Variants in TRADD observed in about 807,000 individuals in gnomAD.
TRADD encodes tumor necrosis factor receptor type 1-associated DEATH domain protein.
Under a neutral mutation model 31.5 loss-of-function variants are expected in TRADD, and 14 were observed. The ratio of observed to expected loss-of-function variants is 0.44; its 90% CI spans 0.29 to 0.69. The LOEUF is 0.69. Among genes scored for constraint, TRADD ranks in the 30% least tolerant of loss-of-function variants. The pLI, the probability that TRADD is intolerant of heterozygous loss-of-function variation, is 0.11. For synonymous variants in TRADD, 220 were observed against 215.8 expected (o/e 1.02, Z -0.17); for missense variants, 388 against 435.7 (o/e 0.89, Z 0.97).
rs757139806 is a variant in TRADD at position 67,154,982 on chromosome 16, G to A, written c.629-23C>T. On this transcript the variant is annotated intron_variant, in intron 4 of 4. Coordinates refer to ENST00000345057, the MANE Select transcript of TRADD (RefSeq NM_003789.4). This position sits in a 1 kb window ranked among gnomAD's most constrained non-coding sequence, Gnocchi z 5.2. ...TCACTGCAGAGGGAGTGGGGAAACG[G>A]GGTGAGGGCGGGGACCCCCAGCGCC... is the stretch of plus-strand genomic sequence containing the variant. 1 of 1,601,452 alleles carries A rather than the reference G, an allele frequency of 6.2e-7. No homozygotes were observed. Among genetic ancestry groups the A allele is most frequent in the Non-Finnish European group, 8.5e-7 (1 of 1,174,988 alleles).
In TRADD at chr16:67,154,480, A is replaced by AC; in HGVS notation, c.*168dup. ...CCTGAGGCAGAATCCCCAATGATGC[A>AC]CCCCCAGTGGTCTGGCTCCTGGGGA... On this transcript the variant is annotated 3_prime_UTR_variant, in exon 5 of 5. Coordinates refer to ENST00000345057, the MANE Select transcript of TRADD (RefSeq NM_003789.4). This position sits in a 1 kb window ranked among gnomAD's most constrained non-coding sequence, Gnocchi z 5.2. 2 of 775,624 alleles carry AC rather than the reference A, an allele frequency of 2.6e-6. No homozygotes were observed. The highest frequency in any genetic ancestry group is 4.2e-6 in the Non-Finnish European group (2 of 480,256). The allele number at this position is 775,624 out of a possible 1,614,324, so 48.0% of individuals were successfully genotyped here. A position where few individuals can be genotyped will look rare whatever the true frequency, so the allele number is the denominator to read the frequency against.
chr16:67,155,863 C>A (rs901205015), intron 2 of TRADD: 2 of 1,515,924 alleles, frequency 1.3e-6, no homozygotes. Context: ...CAGGGAGCAC[C>A]CTAAGACAGA....
In TRADD at chr16:67,155,280, C is replaced by A. The variant is rs765357026; in HGVS notation, c.444G>T (p.Arg148=). 6.2e-7 allele frequency: 1 copy of A among 1,610,444 alleles called. No homozygotes were observed. The highest frequency in any genetic ancestry group is 1.7e-4 in the Middle Eastern group (1 of 6,056). Residue 148 remains arginine (R), a synonymous_variant, in exon 4 of 5, where the codon CGG becomes CGT. Coordinates refer to ENST00000345057, the MANE Select transcript of TRADD (RefSeq NM_003789.4). ...CILAQQPDRL[R]DEELAELEDA... ...CCTCCAGCTCAGCCAGTTCTTCATC[C>A]CGGAGCCGGTCGGGCTAGGGGAATG...
chr16:67,154,805 C>G lies in TRADD; in HGVS notation c.783G>C (p.Leu261=). 1 of 1,595,096 alleles carries G rather than the reference C, an allele frequency of 6.3e-7. No individual in the cohort carries two copies. Among genetic ancestry groups the G allele is most frequent in the Non-Finnish European group, 8.5e-7 (1 of 1,171,890 alleles). Residue 261 remains leucine, a synonymous_variant, in exon 5 of 5, where the codon CTG becomes CTC. Coordinates refer to ENST00000345057, the MANE Select transcript of TRADD (RefSeq NM_003789.4). The surrounding 1 kb of genome is among the most constrained non-coding windows in gnomAD (Gnocchi z 5.2). ...GCAGCAGCTGGAAGGCCTGCTCGTACAGTCCCTCGCGCTCGTACTCGTAGG... is the reference window on the plus strand; with the variant it reads ...GCAGCAGCTGGAAGGCCTGCTCGTAGAGTCCCTCGCGCTCGTACTCGTAGG... ...SLAYEYEREG[L]YEQAFQLLRR...
intron 1 of TRADD, among the ~76,000 whole-genome samples, chr16:67,158,005 T>C (rs1290173066): frequency 1.3e-5 from 2 of 152,050 alleles, no homozygotes; most frequent in Non-Finnish European, 2.9e-5. Context: ...GGTTTATATA[T>C]GGTGGGCTAA....
Position 67,155,201 on chromosome 16 carries a change from C to T in TRADD, c.523G>A (p.Val175Ile), listed in dbSNP as rs1036344090. The T allele has an allele frequency of 6.3e-7, 1 of 1,586,532 alleles. No homozygotes were observed. ...GGGGGCTGCAAGGGGGCCGAAGCGA[C>T]CTCCCCGTCGCCACCCCGGGCCCCC... ...GSGARGGDGE[V>I]ASAPLQPPVP... The change falls in exon 4 of 5, where the codon GTC becomes ATC. Residue 175 changes from valine to isoleucine, a missense_variant. Physicochemically the swap from Val to Ile is conservative, Grantham distance 29. Transcript: ENST00000345057.
intron 1 of TRADD, among the ~76,000 whole-genome samples, chr16:67,158,198 C>T (rs1355969737): frequency 2.0e-5 from 3 of 152,214 alleles, no homozygotes; most frequent in East Asian, 1.9e-4. Context: ...CAGGGTCTTG[C>T]TCTGTCACCC....
At chr16:67,155,895 C>T in intron 2 of TRADD, 1 of 1,522,340 alleles carries the variant, frequency 6.6e-7, no homozygotes, top group South Asian at 1.2e-5. Context: ...CTAACCCCCG[C>T]TCTCACGCCC....
intron 1 of TRADD, among the ~76,000 whole-genome samples, chr16:67,157,006 G>C (rs1428509053): frequency 2.0e-5 from 3 of 152,220 alleles, no homozygotes; most frequent in Non-Finnish European, 4.4e-5. Flanking sequence ...TCTCAGGCCT[G>C]TGTGTCTCTC....
In TRADD at chr16:67,156,269, G is replaced by A. The variant is rs2030693876; in HGVS notation, c.151+241C>T. ...AGAAAGGAGTGAGCCGGCTGGTGGA[G>A]GGGGGCGGGGATGGAGCAAAGGACG... On this transcript the variant is annotated intron_variant, in intron 2 of 4. Transcript: ENST00000345057. The surrounding 1 kb of genome is among the most constrained non-coding windows in gnomAD (Gnocchi z 4.6). 1 of 1,263,090 alleles carries A rather than the reference G, an allele frequency of 7.9e-7. No individual in the cohort carries two copies. The highest frequency in any genetic ancestry group is 1.1e-6 in the Non-Finnish European group (1 of 920,362). The allele number at this position is 1,263,090 out of a possible 1,614,324, so 78.2% of individuals were successfully genotyped here.
At position 67,154,833 on chromosome 16, in the gene TRADD, A is replaced by G. The variant is rs1338591447; in HGVS notation, c.755T>C (p.Leu252Pro). Residue 252 changes from leucine to proline, a missense_variant, in exon 5 of 5, where the codon CTG (leucine) becomes CCG (proline). Leu to Pro is a moderately conservative substitution (Grantham distance 98). Coordinates refer to ENST00000345057, the MANE Select transcript of TRADD (RefSeq NM_003789.4). This position sits in a 1 kb window ranked among gnomAD's most constrained non-coding sequence, Gnocchi z 5.2. ...RALRDPALDSLAYEYEREGLY... is the reference protein window; with the variant it reads ...RALRDPALDSPAYEYEREGLY... ...TCCCTCGCGCTCGTACTCGTAGGCC[A>G]GCGAGTCCAGCGCCGGGTCCCGCAG... The G allele has an allele frequency of 1.3e-6, 2 of 1,590,424 alleles. No individual in the cohort carries two copies. Among genetic ancestry groups the G allele is most frequent in the Non-Finnish European group, 1.7e-6 (2 of 1,169,700 alleles).
At position 67,159,312 on chromosome 16, in the gene TRADD, G is replaced by A. The variant is rs1392427884; in HGVS notation, c.-9+526C>T. On this transcript the variant is annotated intron_variant, in intron 1 of 4. Transcript: ENST00000345057. This position sits in a 1 kb window ranked among gnomAD's most constrained non-coding sequence, Gnocchi z 6.8. The stretch of plus-strand genomic sequence containing the variant: ...GCGCCTGTTTCCAGGGACGAGCCAC[G>A]CACGGTGCCCCCTGAACACCTAACA... Among the ~76,000 whole-genome samples the A allele has an allele frequency of 1.3e-5, 2 of 152,300 alleles. No homozygotes were observed. Among genetic ancestry groups the A allele is most frequent in the South Asian group, 2.1e-4 (1 of 4,832 alleles).
Position 67,154,593 on chromosome 16 carries a change from C to T in TRADD, c.*56G>A, listed in dbSNP as rs921498233. On this transcript the variant is annotated 3_prime_UTR_variant, in exon 5 of 5. Transcript: ENST00000345057. This position sits in a 1 kb window ranked among gnomAD's most constrained non-coding sequence, Gnocchi z 5.2. ...GGATGGACAGGGGTTCAGCAATAGCCGCAGAAGGAACCCTAAGGCCATCCA... is the reference window on the plus strand; with the variant it reads ...GGATGGACAGGGGTTCAGCAATAGCTGCAGAAGGAACCCTAAGGCCATCCA... 186 of 1,576,118 alleles carry T rather than the reference C, an allele frequency of 1.2e-4. No individual in the cohort carries two copies. Among genetic ancestry groups the T allele is most frequent in the Non-Finnish European group, 1.5e-4 (175 of 1,162,610 alleles).
At chr16:67,155,878 G>A in intron 2 of TRADD, 1 of 1,519,386 alleles carries the variant, frequency 6.6e-7, no homozygotes, top group Non-Finnish European at 8.8e-7. Flanking sequence ...GACAGAGTGG[G>A]TGCCACCTAA....
rs1214702662 is a variant in TRADD at position 67,154,995 on chromosome 16, G to A, written c.629-36C>T. On this transcript the variant is annotated intron_variant, in intron 4 of 4. Transcript: ENST00000345057. The surrounding 1 kb of genome is among the most constrained non-coding windows in gnomAD (Gnocchi z 5.2). ...AGTGGGGAAACGGGGTGAGGGCGGGGACCCCCAGCGCCGGTCCCACCCATC... is the reference window on the plus strand; with the variant it reads ...AGTGGGGAAACGGGGTGAGGGCGGGAACCCCCAGCGCCGGTCCCACCCATC... The A allele has an allele frequency of 1.9e-6, 3 of 1,590,046 alleles. No individual in the cohort carries two copies. The highest frequency in any genetic ancestry group is 2.3e-5 in the South Asian group (2 of 87,626).
At chr16:67,158,509 C>G in intron 1 of TRADD, among the ~76,000 whole-genome samples, 1 of 149,694 alleles carries the variant, frequency 6.7e-6, no homozygotes, top group Non-Finnish European at 1.5e-5. Context: ...GTACTTACGC[C>G]AAACCACAGT....
chr16:67,156,024 G>C lies in TRADD; in HGVS notation c.152-370C>G, dbSNP rs755093955. The C allele has an allele frequency of 1.1e-4, 151 of 1,376,272 alleles. 1 individual carries two copies. Among genetic ancestry groups the C allele is most frequent in the Non-Finnish European group, 1.4e-4 (142 of 1,046,512 alleles). 85.3% of individuals were successfully genotyped at this position (1,376,272 alleles called of 1,614,324 possible). On this transcript the variant is annotated intron_variant, in intron 2 of 4. Transcript: ENST00000345057. This position sits in a 1 kb window ranked among gnomAD's most constrained non-coding sequence, Gnocchi z 4.6. ...GGCAGAGGAGGGCGAGAGGTCTCAG[G>C]TCTTCGGCCTCCACCAAGCGCGACT...
At position 67,154,674 on chromosome 16, in the gene TRADD, G is replaced by T; in HGVS notation, c.914C>A (p.Thr305Asn). 1 of 1,612,866 alleles carries T rather than the reference G, an allele frequency of 6.2e-7. No individual in the cohort carries two copies. The highest frequency in any genetic ancestry group is 8.5e-7 in the Non-Finnish European group (1 of 1,179,936). The change falls in exon 5 of 5, where the codon ACC (threonine) becomes AAC (asparagine). Residue 305 changes from threonine (T) to asparagine (N), a missense_variant. Thr to Asn is a moderately conservative substitution (Grantham distance 65). Coordinates refer to ENST00000345057, the MANE Select transcript of TRADD (RefSeq NM_003789.4). This position sits in a 1 kb window ranked among gnomAD's most constrained non-coding sequence, Gnocchi z 5.2. Reference sequence around the variant, plus strand: ...CTAGGCCAGGCCGCCATTGGGATCGGTCAGGCCCAGCAAGTCCTCTGCCAG... The same window carrying T: ...CTAGGCCAGGCCGCCATTGGGATCGTTCAGGCCCAGCAAGTCCTCTGCCAG... The part of the protein sequence containing the change: ...TSLAEDLLGL[T>N]DPNGGLA
chr16:67,155,897 C>G (rs562747798), intron 2 of TRADD: 51 of 1,522,958 alleles, frequency 3.3e-5, no homozygotes, highest in Non-Finnish European at 4.2e-5. Flanking sequence ...AACCCCCGCT[C>G]TCACGCCCCA....
Sources: allele counts gnomAD v4.1 joint callset (sites outside exome capture counted in the v4.1 genomes callset), GRCh38; gene constraint gnomAD v4.1.1; non-coding constraint Gnocchi (gnomAD v3.1); transcripts MANE v1.5; gene names NCBI Gene and HGNC (gene_info 2026-07-23, HGNC 2026-07-21).